Variants in ZNF487 observed in about 807,000 individuals in gnomAD.
The protein encoded by ZNF487 is zinc finger protein 487.
ZNF487 carries 4 observed loss-of-function variants against 3.0 expected under a neutral mutation model. The ratio of observed to expected loss-of-function variants is 1.35; its 90% CI spans 0.66 to 3.08. The LOEUF is 3.08. Among genes scored for constraint, ZNF487 ranks in the 30% most tolerant of loss-of-function variants. The pLI is 0.01. For synonymous variants in ZNF487, 55 were observed against 34.6 expected (o/e 1.59, Z -2.06); for missense variants, 146 against 98.7 (o/e 1.48, Z -2.03).
At chr10:43,510,292 C>G in the ZNF487 span, among the ~76,000 whole-genome samples, 1 of 152,162 alleles carries the variant, frequency 6.6e-6, no homozygotes, top group African/African-American at 2.4e-5. Flanking sequence ...AGCACCTCAG[C>G]AGGTCATGGT....
At chr10:43,443,887 C>CT (rs1839709829) in intron 1 of ZNF487, among the ~76,000 whole-genome samples, 1 of 148,530 alleles carries the variant, frequency 6.7e-6, no homozygotes, top group Admixed American at 6.7e-5. Context: ...CAGTCTCTCT[C>CT]TGTCACCCAG....
intron 1 of ZNF487, among the ~76,000 whole-genome samples, chr10:43,470,015 A>G (rs1840847657): frequency 6.6e-6 from 1 of 152,138 alleles, no homozygotes; most frequent in African/African-American, 2.4e-5. Flanking sequence ...CACACTTAAT[A>G]GACTATAGTA....
chr10:43,503,354 T>G, the ZNF487 span, among the ~76,000 whole-genome samples: 1 of 152,188 alleles, frequency 6.6e-6, no homozygotes, highest in Non-Finnish European at 1.5e-5. Context: ...AGCTATACAA[T>G]GATTACAAAA....
chr10:43,465,748 C>T (rs1025789904), intron 1 of ZNF487, among the ~76,000 whole-genome samples: 3 of 152,122 alleles, frequency 2.0e-5, no homozygotes, highest in Admixed American at 1.3e-4. Flanking sequence ...AGACGATGGG[C>T]GGCCAGGCAG....
chr10:43,479,984 C>CTTCT (rs71533064), intron 3 of ZNF487, among the ~76,000 whole-genome samples: 4,555 of 57,180 alleles, frequency 0.08, 114 homozygotes, highest in Non-Finnish European at 0.13. Context: ...TCTTTCTTTC[C>CTTCT]TTCTTTCTTT....
At chr10:43,480,056 T>C (rs1340230412) in intron 3 of ZNF487, among the ~76,000 whole-genome samples, 4 of 149,768 alleles carry the variant, frequency 2.7e-5, no homozygotes, top group East Asian at 3.9e-4. Flanking sequence ...TTTCTTTCTT[T>C]CTTCCTTGCT....
At chr10:43,498,270 A>ATT in the ZNF487 span, among the ~76,000 whole-genome samples, 1 of 107,120 alleles carries the variant, frequency 9.3e-6, no homozygotes, top group African/African-American at 3.9e-5. Flanking sequence ...ATATATATAT[A>ATT]TATATTTTTT....
chr10:43,517,130 T>C, the ZNF487 span, among the ~76,000 whole-genome samples: 1 of 152,330 alleles, frequency 6.6e-6, no homozygotes, highest in Admixed American at 6.5e-5. Context: ...ATACAAGTAC[T>C]GAAAAAGGAG....
chr10:43,492,055 T>A, the ZNF487 span, among the ~76,000 whole-genome samples: 2 of 151,764 alleles, frequency 1.3e-5, no homozygotes, highest in Admixed American at 1.3e-4. Flanking sequence ...CACGTCAGCC[T>A]CCTGAGTAGC....
In ZNF487 at chr10:43,444,729, C is replaced by G. The variant is rs114244368; in HGVS notation, c.-94+7467C>G. ...GACCACAGGCGCACACCACTCCAGG[C>G]TAATTTTTTTATGTTTTTGGTAGAG... On this transcript the variant is annotated intron_variant, in intron 1 of 3. Transcript: ENST00000437590. 4.3e-3 allele frequency among the ~76,000 whole-genome samples: 655 copies of G among 152,172 alleles called. 5 individuals are homozygous for G. The highest frequency in any genetic ancestry group is 0.015 in the African/African-American group (629 of 41,500).
At chr10:43,506,615 C>T in the ZNF487 span, among the ~76,000 whole-genome samples, 1 of 152,184 alleles carries the variant, frequency 6.6e-6, no homozygotes, top group Non-Finnish European at 1.5e-5. Context: ...CAATTGCATC[C>T]TCCTGCAGGA....
chr10:43,450,089 G>A (rs953410725), intron 1 of ZNF487, among the ~76,000 whole-genome samples: 7 of 151,054 alleles, frequency 4.6e-5, no homozygotes, highest in Non-Finnish European at 1.0e-4. Context: ...TTTTGCCCGG[G>A]CTGGAGTGCA....
At chr10:43,450,898 T>G (rs1245890541) in intron 1 of ZNF487, among the ~76,000 whole-genome samples, 1 of 152,168 alleles carries the variant, frequency 6.6e-6, no homozygotes. Flanking sequence ...AGTAATACAT[T>G]TGGAGCCACG....
chr10:43,506,727 G>T, the ZNF487 span, among the ~76,000 whole-genome samples: 1 of 152,056 alleles, frequency 6.6e-6, no homozygotes, highest in Admixed American at 6.6e-5. Context: ...CTTGCCTGTT[G>T]CAGTGCCCTC....
chr10:43,440,614 C>T (rs1179856809), intron 1 of ZNF487, among the ~76,000 whole-genome samples: 4 of 151,114 alleles, frequency 2.6e-5, no homozygotes, highest in Admixed American at 1.3e-4. Context: ...GCTGAGATTG[C>T]GCCACTGCAC....
chr10:43,468,634 G>T (rs537706597), intron 1 of ZNF487, among the ~76,000 whole-genome samples: 2 of 136,260 alleles, frequency 1.5e-5, no homozygotes, highest in Non-Finnish European at 3.0e-5. Context: ...AGCTGCGATC[G>T]CGCCATTGCA....
chr10:43,512,773 C>G, the ZNF487 span, among the ~76,000 whole-genome samples: 51 of 152,214 alleles, frequency 3.4e-4, no homozygotes, highest in Admixed American at 1.6e-3. Flanking sequence ...TCAAAACTGA[C>G]AGCCTTTCGG....
At position 43,482,861 on chromosome 10, in the gene ZNF487, C is replaced by T. The variant is rs1564431263; in HGVS notation, c.*939C>T. ...GTAATGAATGTGAGAAAATGTTCTA[C>T]CACAAGTCATCCCTCACAGTACATC... On this transcript the variant is annotated 3_prime_UTR_variant, in exon 4 of 4. Coordinates refer to ENST00000437590, the MANE Select transcript of ZNF487 (RefSeq NM_001355444.3). 1.9e-6 allele frequency: 1 copy of T among 530,146 alleles called. No homozygotes were observed. The highest frequency in any genetic ancestry group is 1.9e-5 in the African/African-American group (1 of 51,646). The allele number at this position is 530,146 out of a possible 1,614,324, so 32.8% of individuals were successfully genotyped here.
At chr10:43,520,378 A>G in the ZNF487 span, among the ~76,000 whole-genome samples, 1 of 152,228 alleles carries the variant, frequency 6.6e-6, no homozygotes, top group Non-Finnish European at 1.5e-5. Flanking sequence ...GCTAAGGTGA[A>G]TATATTCAGC....
Sources: allele counts gnomAD v4.1 joint callset (sites outside exome capture counted in the v4.1 genomes callset), GRCh38; gene constraint gnomAD v4.1.1; transcripts MANE v1.5; gene names NCBI Gene and HGNC (gene_info 2026-07-23, HGNC 2026-07-21).